The following GAB2 variants were observed in gnomAD, a reference collection of about 807,000 sequenced individuals.
GAB2 encodes the protein GRB2 associated binding protein 2, also known as GRB2-associated-binding protein 2.
Under a neutral mutation model 65.5 loss-of-function variants are expected in GAB2, and 26 were observed. The ratio of observed to expected loss-of-function variants is 0.40; its 90% confidence interval spans 0.29 to 0.55. The LOEUF is 0.55. Among genes scored for constraint, GAB2 ranks in the 20% least tolerant of loss-of-function variants. GAB2 has a pLI of 0.53. For missense variants in GAB2, 884 were observed against 875.8 expected (o/e 1.01, Z -0.12); for synonymous variants, 321 against 329.6 (o/e 0.97, Z 0.28).
At chr11:78,400,494 T>C (rs576317874) in intron 1 of GAB2, among the ~76,000 whole-genome samples, 1 of 152,180 alleles carries the variant, frequency 6.6e-6, no homozygotes, top group Non-Finnish European at 1.5e-5. Context: ...CAAAATTAAT[T>C]TGGATGTAGA....
At position 78,234,724 on chromosome 11, in the gene GAB2, T is replaced by C. The variant is rs563608501; in HGVS notation, c.621-7673A>G. Among the ~76,000 whole-genome samples, 7 of 152,006 alleles carry C rather than the reference T, an allele frequency of 4.6e-5. No homozygotes were observed. The East Asian group carries it at 1.4e-3, about 29-fold the overall frequency. ...TTTTGTCCTTTCACCAATACAACAT[T>C]ATCTTGATTACCATAGTTTGACAGG... On this transcript the variant is annotated intron_variant, in intron 3 of 9. Transcript: ENST00000361507.
At chr11:78,336,783 T>C (rs975642410) in intron 1 of GAB2, among the ~76,000 whole-genome samples, 2 of 152,170 alleles carry the variant, frequency 1.3e-5, no homozygotes, top group Non-Finnish European at 2.9e-5. Context: ...ATAAATAGCA[T>C]GGGAACATTA....
chr11:78,219,851 T>G (rs1864332831), intron 9 of GAB2, among the ~76,000 whole-genome samples: 2 of 152,148 alleles, frequency 1.3e-5, no homozygotes, highest in African/African-American at 4.8e-5. Context: ...GAGGCACAGC[T>G]CTGCACCCTT....
Position 78,219,368 on chromosome 11 carries a change from C to G in GAB2, c.1935G>C (p.Gln645His). 6.2e-7 allele frequency: 1 copy of G among 1,613,962 alleles called. No homozygotes were observed. ...VTSDEKVDYV[Q>H]VDKEKTQALQ... ...GGGCCTGGGTCTTCTCCTTGTCCACCTGAACGTAGTCCACCTTCTCATCAG... is the reference window on the plus strand; with the variant it reads ...GGGCCTGGGTCTTCTCCTTGTCCACGTGAACGTAGTCCACCTTCTCATCAG... Residue 645 changes from glutamine (Q) to histidine (H), a missense_variant, in exon 10 of 10, where the codon CAG becomes CAC. Transcript: ENST00000361507.
At chr11:78,223,335 T>A (rs1407384912) in intron 6 of GAB2, 77 bp downstream of exon 6, 3 of 1,242,214 alleles carry the variant, frequency 2.4e-6, no homozygotes, top group African/African-American at 3.1e-5. Flanking sequence ...AAGTCCAGGA[T>A]CCACATGACC....
intron 1 of GAB2, among the ~76,000 whole-genome samples, chr11:78,398,041 C>CACACAT (rs57095813): frequency 1.3e-5 from 2 of 151,398 alleles, no homozygotes; most frequent in Admixed American, 6.6e-5. Flanking sequence ...CACACACACA[C>CACACAT]ATCCCTGGCC....
intron 1 of GAB2, among the ~76,000 whole-genome samples, chr11:78,415,737 C>T (rs1213765899): frequency 2.6e-5 from 4 of 152,126 alleles, no homozygotes; most frequent in African/African-American, 7.2e-5. Context: ...GTGCTTGACC[C>T]AAATGCCTCC....
At chr11:78,366,741 T>C (rs920058475) in intron 1 of GAB2, among the ~76,000 whole-genome samples, 1 of 148,498 alleles carries the variant, frequency 6.7e-6, no homozygotes, top group Non-Finnish European at 1.5e-5. Context: ...CTATCCCCAA[T>C]TACATTCTAT....
At chr11:78,235,995 T>C (rs1864970685) in intron 3 of GAB2, among the ~76,000 whole-genome samples, 1 of 152,200 alleles carries the variant, frequency 6.6e-6, no homozygotes, top group Non-Finnish European at 1.5e-5. Flanking sequence ...GAGACTGGGA[T>C]TTTTATTTGG....
chr11:78,227,512 G>A (rs1427784369), intron 3 of GAB2, among the ~76,000 whole-genome samples: 1 of 151,938 alleles, frequency 6.6e-6, no homozygotes. Context: ...TTTGGGTCAG[G>A]TGCAGTGTGC....
rs1301342355 is a variant in GAB2, at chr11:78,347,580, AC to A, written c.76-66680del. 2.0e-5 allele frequency among the ~76,000 whole-genome samples: 3 copies of A among 152,312 alleles called. No individual in the cohort carries two copies. The East Asian group carries it at 5.8e-4, about 29-fold the overall frequency. On this transcript the variant is annotated intron_variant, in intron 1 of 9. Transcript: ENST00000361507. ...AGTTCCTGATACATAATAGACACTTACCTAAAAGATAATCCCCATGTTAACC... is the reference window on the plus strand; with the variant it reads ...AGTTCCTGATACATAATAGACACTTACTAAAAGATAATCCCCATGTTAACC...
chr11:78,225,002 G>C (rs1864580906), intron 5 of GAB2, 106 bp downstream of exon 5: 2 of 715,600 alleles, frequency 2.8e-6, no homozygotes, highest in South Asian at 3.4e-5. Flanking sequence ...AGGGTCCTAA[G>C]ATGGAGACGC....
At chr11:78,312,293 A>G (rs1044884396) in intron 1 of GAB2, among the ~76,000 whole-genome samples, 1 of 151,802 alleles carries the variant, frequency 6.6e-6, no homozygotes, top group East Asian at 1.9e-4. Context: ...CTTTACCACC[A>G]CCACCACCAC....
chr11:78,275,967 A>G (rs559237014), intron 2 of GAB2, among the ~76,000 whole-genome samples: 127 of 152,036 alleles, frequency 8.4e-4, no homozygotes, highest in Non-Finnish European at 1.5e-3. Context: ...TACAAAAATT[A>G]GCCAGACATG....
chr11:78,251,556 C>G (rs1865456757), intron 2 of GAB2, among the ~76,000 whole-genome samples: 1 of 152,198 alleles, frequency 6.6e-6, no homozygotes. Flanking sequence ...TGCTTTTCTC[C>G]ACCCATAAAC....
At chr11:78,318,923 C>T (rs912822065) in intron 1 of GAB2, among the ~76,000 whole-genome samples, 2 of 152,186 alleles carry the variant, frequency 1.3e-5, no homozygotes, top group Admixed American at 1.3e-4. Flanking sequence ...GAAATCACAA[C>T]AATCAAGAAT....
intron 3 of GAB2, among the ~76,000 whole-genome samples, chr11:78,229,505 CT>C (rs1175519072): frequency 2.6e-5 from 4 of 152,176 alleles, no homozygotes; most frequent in Non-Finnish European, 1.5e-5. Flanking sequence ...CTCTGGAACT[CT>C]TCTCCTCCTG....
intron 2 of GAB2, among the ~76,000 whole-genome samples, chr11:78,276,712 C>G (rs1218770954): frequency 1.3e-5 from 2 of 152,198 alleles, no homozygotes; most frequent in African/African-American, 4.8e-5. Context: ...CCAAAGAAAG[C>G]AAGCTCAGAT....
rs764931802 is a variant in GAB2 at position 78,223,557 on chromosome 11, G to A, written c.1422C>T (p.Ser474=). 1.3e-5 allele frequency: 21 copies of A among 1,613,734 alleles called. No homozygotes were observed. The highest frequency in any genetic ancestry group is 2.2e-5 in the East Asian group (1 of 44,864). The change falls in exon 6 of 10, where the codon AGC becomes AGT. Residue 474 remains serine, a synonymous_variant. Transcript: ENST00000361507. ...CCCCTGGGCTCATTGGGATGTAGAC[G>A]CTCTGGGAATTATCACCTGCTCGTT... The part of the protein sequence containing the change: ...AMERAGDNSQ[S]VYIPMSPGAH...
Sources: gnomAD v4.1 joint callset for allele counts (sites outside exome capture counted in the v4.1 genomes callset) on GRCh38, gnomAD v4.1.1 for gene constraint, MANE v1.5 for transcripts, NCBI Gene and HGNC (gene_info 2026-07-23, HGNC 2026-07-21) for gene names.